BARX2: variants seen among roughly 807,000 people sequenced by gnomAD.
BARX2 encodes BARX homeobox 2.
In BARX2, 11 loss-of-function variants were observed where a neutral mutation model predicts 25.5. The observed-to-expected ratio is 0.43, with a 90% CI of 0.27 to 0.71. BARX2 has a LOEUF of 0.71. BARX2 is among the 30% of genes least tolerant of loss of function. BARX2 has a pLI of 0.19. For missense variants in BARX2, 360 were observed against 359.9 expected (o/e 1.00, Z 0.00); for synonymous variants, 137 against 149.5 (o/e 0.92, Z 0.61).
intron 2 of BARX2, among the ~76,000 whole-genome samples, chr11:129,439,776 A>C (rs1459058883): frequency 6.6e-6 from 1 of 152,134 alleles, no homozygotes; most frequent in Non-Finnish European, 1.5e-5. Context: ...CCACTTCCCT[A>C]GCATATAATT....
At chr11:129,375,591 G>T (rs543691206), upstream of BARX2, among the ~76,000 whole-genome samples, 3 of 152,146 alleles carry the variant, frequency 2.0e-5, no homozygotes, top group South Asian at 6.2e-4. The surrounding 1 kb of genome is among the most constrained non-coding windows in gnomAD (Gnocchi z 4.0). Context: ...GCGTCCCGGG[G>T]GGGAGGGGGA....
intron 3 of BARX2, among the ~76,000 whole-genome samples, chr11:129,446,360 C>T (rs1862328994): frequency 6.6e-6 from 1 of 152,150 alleles, no homozygotes. Flanking sequence ...GTTAACAACT[C>T]CATGAATTGT....
chr11:129,442,583 C>A (rs917222981), intron 2 of BARX2: 7 of 485,570 alleles, frequency 1.4e-5, no homozygotes, highest in Non-Finnish European at 2.3e-5. Flanking sequence ...CCCTTGCAGA[C>A]CGTGAATGTT....
At chr11:129,415,983 G>A (rs1287063923) in intron 1 of BARX2, among the ~76,000 whole-genome samples, 1 of 152,212 alleles carries the variant, frequency 6.6e-6, no homozygotes, top group Non-Finnish European at 1.5e-5. Context: ...CAGAGTCCAT[G>A]CTGAGAATGA....
In BARX2 at chr11:129,390,151, A is replaced by G. The variant is rs75117038; in HGVS notation, c.187+13929A>G. On this transcript the variant is annotated intron_variant, in intron 1 of 3. Coordinates refer to ENST00000281437, the MANE Select transcript of BARX2 (RefSeq NM_003658.5). This position sits in a 1 kb window ranked among gnomAD's most constrained non-coding sequence, Gnocchi z 4.3. ...TCTTGATGAGGAGTTCTCACCTTCT[A>G]TGGTGCAAAGGCATCGCCAGTGAAC... 0.017 allele frequency among the ~76,000 whole-genome samples: 2,559 copies of G among 152,266 alleles called. 61 individuals carry two copies. Among genetic ancestry groups the G allele is most frequent in the African/African-American group, 0.056 (2,306 of 41,546 alleles).
At chr11:129,413,927 G>T (rs776349349) in intron 1 of BARX2, among the ~76,000 whole-genome samples, 1 of 152,060 alleles carries the variant, frequency 6.6e-6, no homozygotes, top group Non-Finnish European at 1.5e-5. Context: ...TTAGCCGGGC[G>T]TGGTGGCGGG....
intron 1 of BARX2, among the ~76,000 whole-genome samples, chr11:129,415,221 T>C (rs900424103): frequency 3.3e-5 from 5 of 152,164 alleles, no homozygotes; most frequent in Non-Finnish European, 5.9e-5. Flanking sequence ...GTGTTATTGA[T>C]GATCATGATG....
chr11:129,420,948 A>AT (rs1486989476), intron 1 of BARX2, among the ~76,000 whole-genome samples: 1 of 152,218 alleles, frequency 6.6e-6, no homozygotes, highest in African/African-American at 2.4e-5. Context: ...AAATCATCTC[A>AT]TTCCCTCATT....
At chr11:129,377,978 C>A (rs977973954) in intron 1 of BARX2, among the ~76,000 whole-genome samples, 3 of 152,102 alleles carry the variant, frequency 2.0e-5, no homozygotes, top group Non-Finnish European at 4.4e-5. Context: ...GAGTAAGTGT[C>A]GTGTTTTATT....
intron 3 of BARX2, among the ~76,000 whole-genome samples, chr11:129,449,207 C>G (rs571943138): frequency 1.1e-4 from 17 of 152,272 alleles, no homozygotes; most frequent in Middle Eastern, 3.4e-3. Context: ...TGAATTATAT[C>G]TCAGAGCTGT....
At chr11:129,393,780 T>C (rs533504162) in intron 1 of BARX2, among the ~76,000 whole-genome samples, 1 of 152,292 alleles carries the variant, frequency 6.6e-6, no homozygotes, top group South Asian at 2.1e-4. Context: ...CAATGAACAC[T>C]TGTGTCTACC....
At chr11:129,434,292 C>A (rs1043131710) in intron 1 of BARX2, among the ~76,000 whole-genome samples, 1 of 148,728 alleles carries the variant, frequency 6.7e-6, no homozygotes, top group Non-Finnish European at 1.5e-5. Flanking sequence ...TGACTGGGCA[C>A]GATGGCTCAC....
intron 1 of BARX2, among the ~76,000 whole-genome samples, chr11:129,393,933 A>G (rs888786443): frequency 6.6e-6 from 1 of 152,178 alleles, no homozygotes; most frequent in African/African-American, 2.4e-5. Flanking sequence ...CCTCATCCCT[A>G]TAAAACATTT....
intron 1 of BARX2, among the ~76,000 whole-genome samples, chr11:129,433,948 A>G (rs767488461): frequency 6.6e-6 from 1 of 152,226 alleles, no homozygotes; most frequent in Non-Finnish European, 1.5e-5. Context: ...AGCGGAGTGT[A>G]GCCCATAGTA....
At chr11:129,407,189 G>A (rs1173961630) in intron 1 of BARX2, among the ~76,000 whole-genome samples, 1 of 152,182 alleles carries the variant, frequency 6.6e-6, no homozygotes, top group Non-Finnish European at 1.5e-5. Flanking sequence ...GTCTCTGCTT[G>A]AATACGGCTG....
intron 1 of BARX2, among the ~76,000 whole-genome samples, chr11:129,404,033 A>G (rs1377712647): frequency 6.6e-6 from 1 of 152,214 alleles, no homozygotes; most frequent in Non-Finnish European, 1.5e-5. Context: ...AATCCACTCT[A>G]ATGAATGATT....
intron 1 of BARX2, among the ~76,000 whole-genome samples, chr11:129,417,365 T>A (rs1024719007): frequency 7.2e-5 from 11 of 152,142 alleles, no homozygotes; most frequent in Non-Finnish European, 1.6e-4. Flanking sequence ...GTCCCAGGAA[T>A]ATTTCTTATC....
chr11:129,391,469 G>A (rs745705205), intron 1 of BARX2, among the ~76,000 whole-genome samples: 3 of 152,140 alleles, frequency 2.0e-5, no homozygotes, highest in Non-Finnish European at 4.4e-5. Flanking sequence ...TACAAGGAAG[G>A]TTCGCCAACC....
chr11:129,393,416 T>G (rs1861685392), intron 1 of BARX2, among the ~76,000 whole-genome samples: 1 of 152,040 alleles, frequency 6.6e-6, no homozygotes, highest in South Asian at 2.1e-4. Context: ...AAATATTAAA[T>G]ATTTAAATAT....
Sources: allele counts gnomAD v4.1 joint callset (sites outside exome capture counted in the v4.1 genomes callset), GRCh38; gene constraint gnomAD v4.1.1; non-coding constraint Gnocchi (gnomAD v3.1); transcripts MANE v1.5; gene names NCBI Gene and HGNC (gene_info 2026-07-23, HGNC 2026-07-21).